Variants in CAMK1D observed in about 807,000 individuals in gnomAD.
CAMK1D encodes calcium/calmodulin-dependent protein kinase type 1D.
In CAMK1D, 9 loss-of-function variants were observed where a neutral mutation model predicts 47.7. The observed-to-expected ratio is 0.19, with a 90% CI of 0.11 to 0.33. CAMK1D has a LOEUF of 0.33. Ranked by LOEUF, CAMK1D falls within the 10% of genes least tolerant of loss-of-function variation. The pLI is 1.00. For synonymous variants in CAMK1D, 184 were observed against 184.9 expected (o/e 0.99, Z 0.04); for missense variants, 291 against 488.7 (o/e 0.60, Z 3.81).
At chr10:12,549,213 C>T (rs1836500678) in intron 1 of CAMK1D, among the ~76,000 whole-genome samples, 2 of 152,230 alleles carry the variant, frequency 1.3e-5, no homozygotes, top group Non-Finnish European at 2.9e-5. Flanking sequence ...CAGAACTCCC[C>T]ATTGCCTTCT....
At chr10:12,486,931 C>G (rs1834236268) in intron 1 of CAMK1D, among the ~76,000 whole-genome samples, 1 of 152,020 alleles carries the variant, frequency 6.6e-6, no homozygotes, top group Non-Finnish European at 1.5e-5. Flanking sequence ...GAATGAGATC[C>G]TGTCTCTAAA....
At chr10:12,365,482 A>C (rs912466388) in intron 1 of CAMK1D, among the ~76,000 whole-genome samples, 1 of 152,074 alleles carries the variant, frequency 6.6e-6, no homozygotes, top group African/African-American at 2.4e-5. Context: ...TCTGTCGCCC[A>C]GGCTGGAGTG....
At chr10:12,733,272 G>C (rs1816867760) in intron 3 of CAMK1D, among the ~76,000 whole-genome samples, 1 of 152,238 alleles carries the variant, frequency 6.6e-6, no homozygotes, top group Admixed American at 6.5e-5. Flanking sequence ...TAACAGCTGA[G>C]AGAGACCAAG....
intron 5 of CAMK1D, among the ~76,000 whole-genome samples, chr10:12,781,976 T>G (rs1476327176): frequency 4.7e-5 from 2 of 42,766 alleles, no homozygotes; most frequent in East Asian, 8.7e-4. Context: ...TTAATTGTTT[T>G]TTTTTTTTTT....
intron 1 of CAMK1D, among the ~76,000 whole-genome samples, chr10:12,483,939 G>A (rs1055391161): frequency 1.3e-5 from 2 of 152,042 alleles, no homozygotes; most frequent in Admixed American, 6.6e-5. Flanking sequence ...TACCCACTTC[G>A]GCCTCCCAAA....
intron 1 of CAMK1D, among the ~76,000 whole-genome samples, chr10:12,526,220 T>C (rs1835616424): frequency 6.6e-6 from 1 of 152,262 alleles, no homozygotes; most frequent in African/African-American, 2.4e-5. Context: ...TGAGTAGTGG[T>C]AACAGTATCA....
chr10:12,754,488 A>G (rs1836138883), intron 3 of CAMK1D, among the ~76,000 whole-genome samples: 1 of 152,138 alleles, frequency 6.6e-6, no homozygotes, highest in African/African-American at 2.4e-5. Context: ...TCCCCAATAA[A>G]CCTGGGAAAA....
chr10:12,640,611 C>CT (rs901905591), intron 2 of CAMK1D, among the ~76,000 whole-genome samples: 8 of 151,682 alleles, frequency 5.3e-5, no homozygotes, highest in Non-Finnish European at 5.9e-5. Context: ...TAAACAGATA[C>CT]TTTTTTTTTC....
chr10:12,419,681 GTTC>G (rs991940650), intron 1 of CAMK1D, among the ~76,000 whole-genome samples: 1 of 135,062 alleles, frequency 7.4e-6, no homozygotes, highest in African/African-American at 2.7e-5. Flanking sequence ...CAAAAATAGA[GTTC>G]TTGTTAACTT....
chr10:12,391,976 AAC>A (rs10659393), intron 1 of CAMK1D, among the ~76,000 whole-genome samples: 41,691 of 142,908 alleles, frequency 0.29, 5,998 homozygotes, highest in Middle Eastern at 0.37. Flanking sequence ...CTTGTCTTAA[AAC>A]ACACACACAC....
chr10:12,360,698 G>A (rs187270248), intron 1 of CAMK1D, among the ~76,000 whole-genome samples: 1 of 152,226 alleles, frequency 6.6e-6, no homozygotes, highest in East Asian at 1.9e-4. Flanking sequence ...CAAATGGGTC[G>A]CAAACTGGGG....
At chr10:12,538,036 A>T (rs1054739746) in intron 1 of CAMK1D, among the ~76,000 whole-genome samples, 1 of 152,188 alleles carries the variant, frequency 6.6e-6, no homozygotes. Flanking sequence ...GAACAATGAC[A>T]CGACTTGTGT....
intron 5 of CAMK1D, among the ~76,000 whole-genome samples, chr10:12,785,357 C>A (rs553769938): frequency 6.6e-6 from 1 of 152,206 alleles, no homozygotes; most frequent in Non-Finnish European, 1.5e-5. Context: ...TCAGTGACCG[C>A]CTGTCTTTGT....
At chr10:12,649,970 G>A (rs1839914456) in intron 2 of CAMK1D, among the ~76,000 whole-genome samples, 1 of 152,238 alleles carries the variant, frequency 6.6e-6, no homozygotes. Context: ...ATTTCACCGT[G>A]TTCAACTTCA....
At chr10:12,470,913 T>G (rs1235398526) in intron 1 of CAMK1D, among the ~76,000 whole-genome samples, 5 of 152,162 alleles carry the variant, frequency 3.3e-5, no homozygotes, top group African/African-American at 1.2e-4. Context: ...CCACCTTGTG[T>G]GTGTGTACGT....
chr10:12,536,524 A>G (rs1668701491), intron 1 of CAMK1D, among the ~76,000 whole-genome samples: 1 of 152,110 alleles, frequency 6.6e-6, no homozygotes, highest in African/African-American at 2.4e-5. Context: ...GGTGATCCAC[A>G]CGTCTCGGCC....
At chr10:12,410,438 G>A (rs1460857061) in intron 1 of CAMK1D, among the ~76,000 whole-genome samples, 1 of 152,174 alleles carries the variant, frequency 6.6e-6, no homozygotes, top group African/African-American at 2.4e-5. Context: ...CCTCCTGAAG[G>A]TGTTGACAGG....
chr10:12,546,860 A>G (rs1288408680), intron 1 of CAMK1D, among the ~76,000 whole-genome samples: 1 of 152,086 alleles, frequency 6.6e-6, no homozygotes, highest in Non-Finnish European at 1.5e-5. Flanking sequence ...CTAATGCTAA[A>G]TGACGAGTTA....
Position 12,829,180 on chromosome 10 carries a change from C to A in CAMK1D, c.*293C>A. The stretch of plus-strand genomic sequence containing the variant: ...TCTTATTCCTCTCCCCTAACACCAT[C>A]GTTTCCACTCTTCTCAGTGTAGGTA... On this transcript the variant is annotated 3_prime_UTR_variant, in exon 11 of 11. Coordinates refer to ENST00000619168, the MANE Select transcript of CAMK1D (RefSeq NM_153498.4). The A allele has an allele frequency of 7.7e-6, 2 of 260,610 alleles. No homozygotes were observed. 16.1% of individuals were successfully genotyped at this position (260,610 alleles called of 1,614,324 possible).
Sources: gnomAD v4.1 joint callset for allele counts (sites outside exome capture counted in the v4.1 genomes callset) on GRCh38, gnomAD v4.1.1 for gene constraint, MANE v1.5 for transcripts, NCBI Gene and HGNC (gene_info 2026-07-23, HGNC 2026-07-21) for gene names.